ANKS1B: variants seen among roughly 807,000 people sequenced by gnomAD.
ANKS1B encodes the protein ankyrin repeat and sterile alpha motif domain containing 1B.
A neutral mutation model predicts 148.3 loss-of-function variants in ANKS1B; 36 were observed. The observed-to-expected ratio is 0.24, with a 90% CI of 0.19 to 0.32. The LOEUF is 0.32. Ranked by LOEUF, ANKS1B falls within the 10% of genes least tolerant of loss-of-function variation. The pLI, the probability that ANKS1B is intolerant of heterozygous loss-of-function variation, is 1.00. For missense variants in ANKS1B, 1,157 were observed against 1,542.6 expected (o/e 0.75, Z 4.19); for synonymous variants, 542 against 560.8 (o/e 0.97, Z 0.47).
intron 17 of ANKS1B, among the ~76,000 whole-genome samples, chr12:98,966,143 T>C (rs886146562): frequency 6.6e-6 from 1 of 152,172 alleles, no homozygotes; most frequent in Admixed American, 6.5e-5. Flanking sequence ...TTTTGCAATC[T>C]ACTCATCTGA....
At chr12:98,895,081 TG>T in intron 17 of ANKS1B, 1 of 970,134 alleles carries the variant, frequency 1.0e-6, no homozygotes, top group Non-Finnish European at 1.2e-6. Context: ...CTGCCCGGGG[TG>T]GGCGGCGAGG....
intron 12 of ANKS1B, among the ~76,000 whole-genome samples, chr12:99,367,296 A>AG (rs1222489303): frequency 6.6e-6 from 1 of 152,180 alleles, no homozygotes; most frequent in African/African-American, 2.4e-5. Flanking sequence ...ATGGCCCCTG[A>AG]GCACCTAAAA....
At chr12:99,916,915 CATT>C (rs1237921002) in intron 1 of ANKS1B, among the ~76,000 whole-genome samples, 1 of 152,202 alleles carries the variant, frequency 6.6e-6, no homozygotes, top group Non-Finnish European at 1.5e-5. Context: ...TATTTGGAAA[CATT>C]AGAGCAATTT....
At chr12:99,348,536 A>C (rs1764786566) in intron 12 of ANKS1B, among the ~76,000 whole-genome samples, 2 of 151,908 alleles carry the variant, frequency 1.3e-5, no homozygotes, top group Non-Finnish European at 2.9e-5. Flanking sequence ...CCAAAGCAAG[A>C]ATCTTGAAAG....
intron 10 of ANKS1B, among the ~76,000 whole-genome samples, chr12:99,459,751 T>A (rs761274141): frequency 1.3e-5 from 2 of 151,914 alleles, no homozygotes; most frequent in Non-Finnish European, 2.9e-5. Context: ...AAAGAAATCA[T>A]AGATTGACAT....
intron 8 of ANKS1B, among the ~76,000 whole-genome samples, chr12:99,712,895 C>G (rs368936466): frequency 6.6e-6 from 1 of 152,034 alleles, no homozygotes; most frequent in Non-Finnish European, 1.5e-5. Flanking sequence ...GCCATGACCT[C>G]AGAGTTATCC....
chr12:99,267,586 T>TTC (rs1566772319), intron 12 of ANKS1B, among the ~76,000 whole-genome samples: 1 of 93,614 alleles, frequency 1.1e-5, no homozygotes, highest in South Asian at 2.6e-4. Flanking sequence ...TTCATTCATT[T>TTC]ATTCAATCTT....
At chr12:99,107,593 C>T (rs2059482494) in intron 15 of ANKS1B, among the ~76,000 whole-genome samples, 1 of 152,176 alleles carries the variant, frequency 6.6e-6, no homozygotes, top group Non-Finnish European at 1.5e-5. Flanking sequence ...AATCTTTCTA[C>T]TCAGAGGATT....
At chr12:98,771,238 T>C (rs1020582128) in intron 25 of ANKS1B, among the ~76,000 whole-genome samples, 6 of 152,114 alleles carry the variant, frequency 3.9e-5, no homozygotes, top group Non-Finnish European at 5.9e-5. Flanking sequence ...GGCACGATCA[T>C]AGCTCAGTGA....
At chr12:98,919,322 G>A (rs1246002185) in intron 17 of ANKS1B, among the ~76,000 whole-genome samples, 1 of 152,168 alleles carries the variant, frequency 6.6e-6, no homozygotes, top group Admixed American at 6.5e-5. Flanking sequence ...TTGTTCCCCA[G>A]CAGAATCAAC....
In ANKS1B at chr12:98,798,974, C is replaced by T. The variant is rs1307860164; in HGVS notation, c.3302G>A (p.Arg1101Lys). The T allele has an allele frequency of 2.5e-6, 4 of 1,608,846 alleles. No individual in the cohort carries two copies. Among genetic ancestry groups the T allele is most frequent in the Non-Finnish European group, 2.5e-6 (3 of 1,177,628 alleles). Reference sequence around the variant, plus strand: ...AGCATCTTGGGTTGATTCTGTCCCCCTAAGCTCTTTTATCAGCATAGAACC... The same window carrying T: ...AGCATCTTGGGTTGATTCTGTCCCCTTAAGCTCTTTTATCAGCATAGAACC... ...YLGSMLIKELRGTESTQDACA... is the reference protein window; with the variant it reads ...YLGSMLIKELKGTESTQDACA... Residue 1101 changes from arginine (R) to lysine (K), a missense_variant, in exon 22 of 27, where the codon AGG becomes AAG. Transcript: ENST00000683438.
intron 17 of ANKS1B, among the ~76,000 whole-genome samples, chr12:98,989,029 G>A (rs2153274863): frequency 6.6e-6 from 1 of 152,124 alleles, no homozygotes; most frequent in South Asian, 2.1e-4. Flanking sequence ...CAGATGTATA[G>A]TTTGCAAATA....
chr12:98,886,188 T>C (rs1002531790), intron 17 of ANKS1B, among the ~76,000 whole-genome samples: 7 of 151,938 alleles, frequency 4.6e-5, no homozygotes, highest in African/African-American at 1.5e-4. Context: ...TCAATGAAAA[T>C]TGAAGTTTAA....
chr12:99,271,625 C>CA, intron 12 of ANKS1B, among the ~76,000 whole-genome samples: 1 of 138,160 alleles, frequency 7.2e-6, no homozygotes, highest in South Asian at 2.2e-4. Flanking sequence ...GTATGAGACA[C>CA]ATCATATATT....
chr12:99,324,595 T>G (rs2085947842), intron 12 of ANKS1B, among the ~76,000 whole-genome samples: 1 of 152,124 alleles, frequency 6.6e-6, no homozygotes, highest in Non-Finnish European at 1.5e-5. Flanking sequence ...GTCTTTTATC[T>G]CCTCACAATT....
intron 17 of ANKS1B, among the ~76,000 whole-genome samples, chr12:99,051,185 G>T (rs2099965836): frequency 6.6e-6 from 1 of 152,176 alleles, no homozygotes; most frequent in Non-Finnish European, 1.5e-5. Context: ...ACTGGGGAAA[G>T]TGAGTGCCCA....
chr12:99,723,567 A>T (rs1421868111), intron 8 of ANKS1B, among the ~76,000 whole-genome samples: 1 of 152,144 alleles, frequency 6.6e-6, no homozygotes, highest in African/African-American at 2.4e-5. Context: ...TCCTCCTGCT[A>T]GTTCTGAGAA....
At chr12:98,771,314 T>A (rs1005138178) in intron 25 of ANKS1B, among the ~76,000 whole-genome samples, 4 of 151,810 alleles carry the variant, frequency 2.6e-5, no homozygotes, top group Non-Finnish European at 5.9e-5. Context: ...ACTACAGGTG[T>A]ACACCACCAT....
At chr12:99,282,078 A>G (rs1226715125) in intron 12 of ANKS1B, among the ~76,000 whole-genome samples, 1 of 152,188 alleles carries the variant, frequency 6.6e-6, no homozygotes, top group African/African-American at 2.4e-5. Context: ...TAAGAAAAAT[A>G]TAGAAGGTAA....
Sources: allele counts gnomAD v4.1 joint callset (sites outside exome capture counted in the v4.1 genomes callset), GRCh38; gene constraint gnomAD v4.1.1; transcripts MANE v1.5; gene names NCBI Gene and HGNC (gene_info 2026-07-23, HGNC 2026-07-21).